The following HPS5 variants were observed in gnomAD, a reference collection of about 807,000 sequenced individuals.
The protein encoded by HPS5 is HPS5 biogenesis of lysosomal organelles complex 2 subunit 2, also known as BLOC-2 complex member HPS5.
Under a neutral mutation model 128.0 loss-of-function variants are expected in HPS5, and 83 were observed. The observed-to-expected ratio is 0.65, with a 90% confidence interval of 0.54 to 0.78. The LOEUF is 0.78. Among genes scored for constraint, HPS5 ranks in the 30% least tolerant of loss-of-function variants. The probability of loss-of-function intolerance (pLI) is 0.00; values close to 1 mark genes in which losing one functional copy is unlikely to be tolerated. For missense variants in HPS5, 1,281 were observed against 1,326.2 expected (o/e 0.97, Z 0.53); for synonymous variants, 475 against 470.2 (o/e 1.01, Z -0.13).
In HPS5 at chr11:18,311,080, T is replaced by G. The variant is rs1418681154; in HGVS notation, c.285-147A>C. ...ATTATAAAAAGTCAAGGTATTAATT[T>G]CCTTGTTTTAGTCACCAAACCAGTT... is the stretch of plus-strand genomic sequence containing the variant. On this transcript the variant is annotated intron_variant, in intron 4 of 22. Transcript: ENST00000349215. The G allele has an allele frequency of 2.4e-5, 17 of 704,306 alleles. No homozygotes were observed. In the East Asian group the frequency reaches 4.6e-4, roughly 19 times the overall value. 43.6% of individuals were successfully genotyped at this position (704,306 alleles called of 1,614,324 possible). A position where few individuals can be genotyped will look rare whatever the true frequency, so the allele number is the denominator to read the frequency against.
At position 18,297,656 on chromosome 11, in the gene HPS5, G is replaced by A; in HGVS notation, c.1226C>T (p.Thr409Ile). 1 of 1,613,906 alleles carries A rather than the reference G, an allele frequency of 6.2e-7. No homozygotes were observed. Among genetic ancestry groups the A allele is most frequent in the Non-Finnish European group, 8.5e-7 (1 of 1,179,790 alleles). ...EHLKSQLDHG[T>I]YNDLISQLEE... ...CAGTTGAGAAATTAGATCATTGTAG[G>A]TGCCATGGTCCAGCTGAGATTTCAA... The change falls in exon 11 of 23, where the codon ACC becomes ATC. Residue 409 changes from threonine (T) to isoleucine (I), a missense_variant. Transcript: ENST00000349215.
In HPS5 at chr11:18,317,899, A is replaced by G; in HGVS notation, c.-41T>C. The G allele has an allele frequency of 6.3e-7, 1 of 1,597,914 alleles. No homozygotes were observed. Among genetic ancestry groups the G allele is most frequent in the Non-Finnish European group, 8.6e-7 (1 of 1,169,534 alleles). On this transcript the variant is annotated 5_prime_UTR_variant, in exon 2 of 23. Coordinates refer to ENST00000349215, the MANE Select transcript of HPS5 (RefSeq NM_181507.2). ...AAACTTGTTGAATGATAGATACAGT[A>G]TTCCTCACCTGAATAAAATCCACAA...
In HPS5 at chr11:18,310,480, T is replaced by C. The variant is rs144122146; in HGVS notation, c.477+261A>G. Reference sequence around the variant, plus strand: ...ACTAAAGAATGCTTTAAATGAGCCATGCAGGTGAATCAGGAAGGACTGCAA... The same window carrying C: ...ACTAAAGAATGCTTTAAATGAGCCACGCAGGTGAATCAGGAAGGACTGCAA... On this transcript the variant is annotated intron_variant, in intron 5 of 22. Transcript: ENST00000349215. Among the ~76,000 whole-genome samples, 276 of 152,320 alleles carry C rather than the reference T, an allele frequency of 1.8e-3. 2 individuals carry two copies. Among genetic ancestry groups the C allele is most frequent in the African/African-American group, 6.4e-3 (268 of 41,572 alleles).
chr11:18,310,883 G>C lies in HPS5; in HGVS notation c.335C>G (p.Pro112Arg). 1.2e-6 allele frequency: 2 copies of C among 1,610,112 alleles called. No individual in the cohort carries two copies. Among genetic ancestry groups the C allele is most frequent in the Non-Finnish European group, 1.7e-6 (2 of 1,178,602 alleles). ...TTCTGAAGACACATACATTTGTTCC[G>C]GTTTCCCACGACGCTCTTGATTTAA... ...WELNQERRGK[P>R]EQMYVSSEHK... Residue 112 changes from proline (P) to arginine (R), a missense_variant, in exon 5 of 23, where the codon CCG becomes CGG. Pro to Arg is a moderately radical substitution (Grantham distance 103). Coordinates refer to ENST00000349215, the MANE Select transcript of HPS5 (RefSeq NM_181507.2).
intron 19 of HPS5, among the ~76,000 whole-genome samples, chr11:18,285,943 C>T (rs1416417057): frequency 6.6e-6 from 1 of 152,208 alleles, no homozygotes; most frequent in Non-Finnish European, 1.5e-5. Flanking sequence ...ACCTATCTCC[C>T]TAACCCCCAC....
intron 12 of HPS5, 191 bp downstream of exon 12, chr11:18,296,607 G>C: frequency 1.4e-6 from 1 of 709,534 alleles, no homozygotes; most frequent in Non-Finnish European, 2.5e-6. Context: ...AACGTGAGGG[G>C]AAAAAATACT....
rs1858528054 is a variant in HPS5, at chr11:18,278,826, C to A, written c.*1056G>T. Reference sequence around the variant, plus strand: ...GCTATGTAAATGTACAGGAGCCTGACAAATGACAATCTACTTACATAATTT... The same window carrying A: ...GCTATGTAAATGTACAGGAGCCTGAAAAATGACAATCTACTTACATAATTT... On this transcript the variant is annotated 3_prime_UTR_variant, in exon 23 of 23. Coordinates refer to ENST00000349215, the MANE Select transcript of HPS5 (RefSeq NM_181507.2). 2 of 152,542 alleles carry A rather than the reference C, an allele frequency of 1.3e-5. No homozygotes were observed. The highest frequency in any genetic ancestry group is 2.4e-5 in the African/African-American group (1 of 41,434). 9.4% of individuals were successfully genotyped at this position (152,542 alleles called of 1,614,324 possible). A position where few individuals can be genotyped will look rare whatever the true frequency, so the allele number is the denominator to read the frequency against.
At position 18,287,906 on chromosome 11, in the gene HPS5, C is replaced by T; in HGVS notation, c.2548G>A (p.Val850Ile). 1 of 1,614,068 alleles carries T rather than the reference C, an allele frequency of 6.2e-7. No homozygotes were observed. Among genetic ancestry groups the T allele is most frequent in the Non-Finnish European group, 8.5e-7 (1 of 1,179,998 alleles). ...AGGACAACTTACCGGGTAGCATAAACAACCAACAACGGACTATCAAAAGGA... is the reference window on the plus strand; with the variant it reads ...AGGACAACTTACCGGGTAGCATAAATAACCAACAACGGACTATCAAAAGGA... Reference protein sequence around the residue: ...EVPFDSPLLVVYATRLYEKFG... With the variant: ...EVPFDSPLLVIYATRLYEKFG... The change falls in exon 17 of 23, where the codon GTT becomes ATT. Residue 850 changes from valine (V) to isoleucine (I), a missense_variant. Coordinates refer to ENST00000349215, the MANE Select transcript of HPS5 (RefSeq NM_181507.2).
intron 2 of HPS5, chr11:18,314,299 C>G (rs576441846): frequency 6.6e-6 from 1 of 152,362 alleles, no homozygotes; most frequent in Admixed American, 6.5e-5. Flanking sequence ...GAGGCCGAGG[C>G]GGGCGGATTA....
At chr11:18,281,060 C>T (rs72865166) in intron 22 of HPS5, among the ~76,000 whole-genome samples, 2 of 149,692 alleles carry the variant, frequency 1.3e-5, no homozygotes, top group African/African-American at 2.4e-5. Context: ...ATTACTGAGA[C>T]ATTAGGTATC....
chr11:18,307,073 T>C (rs1215272467), intron 6 of HPS5, among the ~76,000 whole-genome samples: 1 of 152,232 alleles, frequency 6.6e-6, no homozygotes, highest in Non-Finnish European at 1.5e-5. Context: ...TTTGCTTTCA[T>C]AGCACTTATG....
At chr11:18,283,946 T>C in intron 20 of HPS5, 45 bp from the exon 21 acceptor site, 7 of 1,297,936 alleles carry the variant, frequency 5.4e-6, no homozygotes, top group Non-Finnish European at 7.8e-6. Context: ...AGGCCATGAA[T>C]TTATCTGGAG....
chr11:18,315,612 TAA>T (rs544602661), intron 2 of HPS5, among the ~76,000 whole-genome samples: 1 of 141,302 alleles, frequency 7.1e-6, no homozygotes. Flanking sequence ...AACTCTATCT[TAA>T]AAAAAAAAAA....
intron 2 of HPS5, among the ~76,000 whole-genome samples, chr11:18,317,062 C>T (rs1416120201): frequency 1.3e-5 from 2 of 151,880 alleles, no homozygotes; most frequent in African/African-American, 2.4e-5. Context: ...GACGTGGTGG[C>T]GGGCACATGT....
rs188137206 is a variant in HPS5 at position 18,298,777 on chromosome 11, T to G, written c.1164+15A>C. 2.3e-5 allele frequency: 37 copies of G among 1,613,532 alleles called. 1 individual carries two copies. In the Admixed American group the frequency reaches 5.7e-4, roughly 25 times the overall value. The stretch of plus-strand genomic sequence containing the variant: ...CCAATCCATGGTAAAGATGTCTAGG[T>G]AAGCTCTGACTCACTCTGCTGGCAA... On this transcript the variant is annotated intron_variant, in intron 10 of 22. Transcript: ENST00000349215.
chr11:18,291,859 A>C lies in HPS5; in HGVS notation c.2023T>G (p.Leu675Val). Residue 675 changes from leucine (L) to valine (V), a missense_variant, in exon 16 of 23, where the codon TTA (leucine) becomes GTA (valine). Physicochemically the swap from Leu to Val is conservative, Grantham distance 32. Transcript: ENST00000349215. The stretch of plus-strand genomic sequence containing the variant: ...ATTCCCTTTTTTGATTCATTAACTA[A>C]TAGCACATCCTGGTTCAATTTCATG... Reference protein sequence around the residue: ...SSMKLNQDVLLVNESKKGILD... With the variant: ...SSMKLNQDVLVVNESKKGILD... 1 of 1,610,062 alleles carries C rather than the reference A, an allele frequency of 6.2e-7. No individual in the cohort carries two copies. The highest frequency in any genetic ancestry group is 8.5e-7 in the Non-Finnish European group (1 of 1,177,922).
chr11:18,310,270 G>C (rs1160308548), intron 5 of HPS5, among the ~76,000 whole-genome samples: 1 of 152,150 alleles, frequency 6.6e-6, no homozygotes, highest in Non-Finnish European at 1.5e-5. Context: ...GCCAGAAGGT[G>C]TCTTCAAGAT....
intron 1 of HPS5, among the ~76,000 whole-genome samples, chr11:18,319,372 C>A (rs1226569652): frequency 1.3e-5 from 2 of 151,218 alleles, no homozygotes; most frequent in African/African-American, 4.9e-5. Flanking sequence ...TTAAAGGGAA[C>A]TGAAGAAAAC....
intron 6 of HPS5, among the ~76,000 whole-genome samples, chr11:18,307,460 A>G (rs2134444120): frequency 6.6e-6 from 1 of 152,352 alleles, no homozygotes; most frequent in East Asian, 1.9e-4. Context: ...GAAATAAAAT[A>G]TATTTCTTCA....
Sources: gnomAD v4.1 joint callset for allele counts (sites outside exome capture counted in the v4.1 genomes callset) on GRCh38, gnomAD v4.1.1 for gene constraint, MANE v1.5 for transcripts, NCBI Gene and HGNC (gene_info 2026-07-23, HGNC 2026-07-21) for gene names.